Variants in CAMK1D observed in about 807,000 individuals in gnomAD.
The protein encoded by CAMK1D is calcium/calmodulin-dependent protein kinase type 1D.
A neutral mutation model predicts 47.7 loss-of-function variants in CAMK1D; 9 were observed. The ratio of observed to expected loss-of-function variants is 0.19; its 90% CI spans 0.11 to 0.33. The LOEUF (loss-of-function observed/expected upper bound fraction) is 0.33. CAMK1D is among the 10% of genes least tolerant of loss of function. The probability of loss-of-function intolerance (pLI) is 1.00; values close to 1 mark genes in which losing one functional copy is unlikely to be tolerated. For synonymous variants in CAMK1D, 184 were observed against 184.9 expected (o/e 0.99, Z 0.04); for missense variants, 291 against 488.7 (o/e 0.60, Z 3.81).
rs1428664575 is a variant in CAMK1D at position 12,811,787 on chromosome 10, AAC to A, written c.642-2406_642-2405del. ...TTTAGTTTTTTCTCCAAGATGAACT[AAC>A]ATTTTGCTCTGTCTGCGTTTCCTAA... On this transcript the variant is annotated intron_variant, in intron 6 of 10. Transcript: ENST00000619168. Among the ~76,000 whole-genome samples, 5 of 152,358 alleles carry A rather than the reference AAC, an allele frequency of 3.3e-5. No individual in the cohort carries two copies. The East Asian group carries it at 9.6e-4, about 29-fold the overall frequency.
At chr10:12,447,209 C>T (rs1832949332) in intron 1 of CAMK1D, among the ~76,000 whole-genome samples, 1 of 152,090 alleles carries the variant, frequency 6.6e-6, no homozygotes, top group East Asian at 1.9e-4. Flanking sequence ...AAGATTTGTT[C>T]GAAGTCATTA....
intron 10 of CAMK1D, 109 bp from the exon 11 acceptor site, chr10:12,828,660 G>GCT: frequency 1.6e-6 from 1 of 631,210 alleles, no homozygotes; most frequent in Non-Finnish European, 2.7e-6. Context: ...AAAAAATTGG[G>GCT]CCCCCCCGCC....
At chr10:12,402,438 C>A (rs913762062) in intron 1 of CAMK1D, among the ~76,000 whole-genome samples, 13 of 152,108 alleles carry the variant, frequency 8.5e-5, no homozygotes, top group Non-Finnish European at 1.0e-4. Context: ...TGCCATGTTA[C>A]TCGGGCTAGT....
intron 3 of CAMK1D, among the ~76,000 whole-genome samples, chr10:12,760,395 C>A (rs1485304650): frequency 1.3e-5 from 2 of 152,130 alleles, no homozygotes; most frequent in Non-Finnish European, 2.9e-5. Context: ...AGGCATGCTC[C>A]CACCCACTGT....
chr10:12,622,761 C>T (rs1032027638), intron 2 of CAMK1D, among the ~76,000 whole-genome samples: 5 of 151,734 alleles, frequency 3.3e-5, no homozygotes, highest in African/African-American at 9.7e-5. Context: ...GACCTAAGCT[C>T]GTCAGAAAAC....
At chr10:12,601,544 A>C (rs1588678341) in intron 2 of CAMK1D, among the ~76,000 whole-genome samples, 1 of 151,866 alleles carries the variant, frequency 6.6e-6, no homozygotes, top group Admixed American at 6.6e-5. Context: ...GCTCACTGCA[A>C]CCTCTGCCTC....
chr10:12,429,740 T>G (rs1840377719), intron 1 of CAMK1D, among the ~76,000 whole-genome samples: 1 of 152,170 alleles, frequency 6.6e-6, no homozygotes, highest in Non-Finnish European at 1.5e-5. Context: ...ACATTGGCAC[T>G]AAGTTCAGGT....
chr10:12,477,966 G>A (rs894263880), intron 1 of CAMK1D, among the ~76,000 whole-genome samples: 1 of 151,744 alleles, frequency 6.6e-6, no homozygotes, highest in Non-Finnish European at 1.5e-5. Flanking sequence ...TGTCCATCTG[G>A]CTATTATGCC....
At chr10:12,821,200 T>C (rs1832999589) in intron 8 of CAMK1D, among the ~76,000 whole-genome samples, 1 of 152,200 alleles carries the variant, frequency 6.6e-6, no homozygotes, top group South Asian at 2.1e-4. Context: ...CGTCGACTGA[T>C]TGAACGAGGC....
At position 12,366,916 on chromosome 10, in the gene CAMK1D, G is replaced by A. The variant is rs561855866; in HGVS notation, c.92+17006G>A. On this transcript the variant is annotated intron_variant, in intron 1 of 10. Transcript: ENST00000619168. Reference sequence around the variant, plus strand: ...GATAGAGTCTTCGTGAGCACAGTGGGTGTCAGACTTGAAGTTTGTCAGTAA... The same window carrying A: ...GATAGAGTCTTCGTGAGCACAGTGGATGTCAGACTTGAAGTTTGTCAGTAA... Among the ~76,000 whole-genome samples, 9 of 152,270 alleles carry A rather than the reference G, an allele frequency of 5.9e-5. No individual in the cohort carries two copies. The South Asian group carries it at 6.2e-4, about 11-fold the overall frequency.
intron 3 of CAMK1D, among the ~76,000 whole-genome samples, chr10:12,718,506 GCTCC>G (rs1834244073): frequency 6.6e-6 from 1 of 152,134 alleles, no homozygotes; most frequent in South Asian, 2.1e-4. Flanking sequence ...CCACCAGATG[GCTCC>G]CTTAGGTTTA....
chr10:12,519,939 GC>G (rs1169250042), intron 1 of CAMK1D, among the ~76,000 whole-genome samples: 2 of 43,830 alleles, frequency 4.6e-5, no homozygotes, highest in African/African-American at 1.9e-4. Flanking sequence ...CGGGTGGGGG[GC>G]TGACCCCCCC....
At chr10:12,562,247 C>G (rs192405632) in intron 2 of CAMK1D, among the ~76,000 whole-genome samples, 27 of 152,182 alleles carry the variant, frequency 1.8e-4, no homozygotes, top group Non-Finnish European at 3.2e-4. Flanking sequence ...GACCACCCCC[C>G]CTTAAAACAA....
chr10:12,813,695 G>A (rs762764250), intron 6 of CAMK1D, among the ~76,000 whole-genome samples: 1 of 152,150 alleles, frequency 6.6e-6, no homozygotes, highest in African/African-American at 2.4e-5. Flanking sequence ...CTTGCGGAAT[G>A]TGTGCTTTCT....
intron 1 of CAMK1D, among the ~76,000 whole-genome samples, chr10:12,416,192 C>T (rs1167316246): frequency 1.3e-5 from 2 of 151,208 alleles, no homozygotes; most frequent in Admixed American, 1.3e-4. Context: ...TTAGGAGATA[C>T]AGAATAATCT....
At position 12,629,013 on chromosome 10, in the gene CAMK1D, TG is replaced by T. The variant is rs543126445; in HGVS notation, c.225-37718del. 2.4e-3 allele frequency among the ~76,000 whole-genome samples: 368 copies of T among 152,308 alleles called. 3 individuals are homozygous for T. Among genetic ancestry groups the T allele is most frequent in the Non-Finnish European group, 3.1e-3 (213 of 68,026 alleles). ...TACCACAGTTTACCTGTTCACCTAC[TG>T]GGGGACTGTGTTGCTTCCGGGTCTG... is the stretch of plus-strand genomic sequence containing the variant. On this transcript the variant is annotated intron_variant, in intron 2 of 10. Coordinates refer to ENST00000619168, the MANE Select transcript of CAMK1D (RefSeq NM_153498.4).
chr10:12,523,921 G>A (rs111239157), intron 1 of CAMK1D, among the ~76,000 whole-genome samples: 34,006 of 151,520 alleles, frequency 0.22, 4,078 homozygotes, highest in South Asian at 0.27. Flanking sequence ...ATTTTTTTGA[G>A]ATGGAGTCTC....
chr10:12,794,243 G>C (rs138310076), intron 6 of CAMK1D, among the ~76,000 whole-genome samples: 187 of 152,282 alleles, frequency 1.2e-3, no homozygotes, highest in African/African-American at 4.1e-3. Context: ...CTCAATCCAA[G>C]GAGTTGGCTT....
chr10:12,457,759 G>A (rs191328902), intron 1 of CAMK1D, among the ~76,000 whole-genome samples: 1,353 of 131,600 alleles, frequency 0.01, 8 homozygotes, highest in Middle Eastern at 0.047. Flanking sequence ...CCAGCCTGGC[G>A]ACAGAGCAAG....
Sources: gnomAD v4.1 joint callset for allele counts (sites outside exome capture counted in the v4.1 genomes callset) on GRCh38, gnomAD v4.1.1 for gene constraint, MANE v1.5 for transcripts, NCBI Gene and HGNC (gene_info 2026-07-23, HGNC 2026-07-21) for gene names.